The following PPIP5K2 variants were observed in gnomAD, a reference collection of about 807,000 sequenced individuals.
The protein encoded by PPIP5K2 is diphosphoinositol pentakisphosphate kinase 2.
Under a neutral mutation model 154.6 loss-of-function variants are expected in PPIP5K2, and 105 were observed. The ratio of observed to expected loss-of-function variants is 0.68; its 90% CI spans 0.58 to 0.80. The LOEUF (loss-of-function observed/expected upper bound fraction) is 0.80. PPIP5K2 is among the 30% of genes least tolerant of loss of function. The pLI is 0.00. For synonymous variants in PPIP5K2, 480 were observed against 490.3 expected (o/e 0.98, Z 0.28); for missense variants, 992 against 1,504.6 (o/e 0.66, Z 5.64).
At chr5:103,139,593 A>G (rs1325132263) in intron 5 of PPIP5K2, among the ~76,000 whole-genome samples, 2 of 152,200 alleles carry the variant, frequency 1.3e-5, no homozygotes, top group Non-Finnish European at 1.5e-5. Flanking sequence ...GACTGAAATA[A>G]ATACCTAACT....
intron 23 of PPIP5K2, among the ~76,000 whole-genome samples, chr5:103,179,293 T>C (rs1458373680): frequency 6.6e-6 from 1 of 152,088 alleles, no homozygotes; most frequent in African/African-American, 2.4e-5. Context: ...ATGAGGCTCA[T>C]CAATGTAGTT....
At chr5:103,151,198 T>C in intron 8 of PPIP5K2, 55 bp from the exon 9 acceptor site, 1 of 1,452,860 alleles carries the variant, frequency 6.9e-7, no homozygotes, top group Non-Finnish European at 9.3e-7. Context: ...ACTAGAAAAC[T>C]GTGAATCTTA....
At position 103,207,644 on chromosome 5, in the gene PPIP5K2, T is replaced by C. The variant is rs1803592313; in HGVS notation, c.*6010T>C. On this transcript the variant is annotated 3_prime_UTR_variant, in exon 31 of 31. Coordinates refer to ENST00000358359, the MANE Select transcript of PPIP5K2 (RefSeq NM_001276277.3). ...GTGAACAATATCCAATTAGTGTATT[T>C]TTTCCTCTACTGCACAGTTTTGGTT... 6.6e-6 allele frequency: 1 copy of C among 152,140 alleles called. No homozygotes were observed. Among genetic ancestry groups the C allele is most frequent in the African/African-American group, 2.4e-5 (1 of 41,446 alleles). 9.4% of individuals were successfully genotyped at this position (152,140 alleles called of 1,614,324 possible). A position where few individuals can be genotyped will look rare whatever the true frequency, so the allele number is the denominator to read the frequency against.
intron 15 of PPIP5K2, 46 bp downstream of exon 15, chr5:103,158,359 A>G: frequency 6.3e-7 from 1 of 1,596,348 alleles, no homozygotes; most frequent in Non-Finnish European, 8.5e-7. Context: ...CATAAATTGT[A>G]TTTTGAAATC....
At chr5:103,143,801 G>T (rs1793261915) in intron 5 of PPIP5K2, among the ~76,000 whole-genome samples, 1 of 88,492 alleles carries the variant, frequency 1.1e-5, no homozygotes, top group African/African-American at 3.1e-5. Context: ...TGATAAAAGC[G>T]CTATATGACA....
intron 24 of PPIP5K2, among the ~76,000 whole-genome samples, chr5:103,180,399 A>C (rs1554222340): frequency 6.6e-6 from 1 of 152,192 alleles, no homozygotes; most frequent in Non-Finnish European, 1.5e-5. Flanking sequence ...TATAGTTTTC[A>C]TAAAAAAAGG....
rs1803414035 is a variant in PPIP5K2, at chr5:103,204,823, A to T, written c.*3189A>T. ...TTTAGTATTGTGTACTATATAATCT[A>T]TGTGAATTATAGCTCCTTAACTAAA... On this transcript the variant is annotated 3_prime_UTR_variant, in exon 31 of 31. Coordinates refer to ENST00000358359, the MANE Select transcript of PPIP5K2 (RefSeq NM_001276277.3). 1 of 140,618 alleles carries T rather than the reference A, an allele frequency of 7.1e-6. No homozygotes were observed. The highest frequency in any genetic ancestry group is 1.6e-5 in the Non-Finnish European group (1 of 61,516). 8.7% of individuals were successfully genotyped at this position (140,618 alleles called of 1,614,324 possible).
chr5:103,166,455 A>C (rs1562453446), intron 17 of PPIP5K2, among the ~76,000 whole-genome samples: 1 of 151,920 alleles, frequency 6.6e-6, no homozygotes, highest in Non-Finnish European at 1.5e-5. Context: ...ATCTTAAAAA[A>C]ATATTTAAGG....
chr5:103,181,594 TAC>T (rs1799563792), intron 24 of PPIP5K2, among the ~76,000 whole-genome samples: 3 of 151,546 alleles, frequency 2.0e-5, no homozygotes, highest in African/African-American at 7.3e-5. Flanking sequence ...AATAAATAAA[TAC>T]ACACACATAT....
At chr5:103,162,350 C>CTTTTTTTTTTTTTT (rs200973581) in intron 17 of PPIP5K2, among the ~76,000 whole-genome samples, 5 of 138,540 alleles carry the variant, frequency 3.6e-5, no homozygotes, top group Non-Finnish European at 3.1e-5. Flanking sequence ...GATGTGTTTT[C>CTTTTTTTTTTTTTT]TTTTTTTTTT....
Position 103,205,011 on chromosome 5 carries a change from C to T in PPIP5K2, c.*3377C>T, listed in dbSNP as rs1323223385. 1 of 152,076 alleles carries T rather than the reference C, an allele frequency of 6.6e-6. No homozygotes were observed. Among genetic ancestry groups the T allele is most frequent in the Non-Finnish European group, 1.5e-5 (1 of 68,056 alleles). The allele number at this position is 152,076 out of a possible 1,614,324, so 9.4% of individuals were successfully genotyped here. A position where few individuals can be genotyped will look rare whatever the true frequency, so the allele number is the denominator to read the frequency against. On this transcript the variant is annotated 3_prime_UTR_variant, in exon 31 of 31. Transcript: ENST00000358359. The stretch of plus-strand genomic sequence containing the variant: ...CTAATGCTATCCCTCCCCCAGCCCC[C>T]CACCCACTGACAGGCCCAGTGTGTG...
rs1025396639 is a variant in PPIP5K2 at position 103,199,928 on chromosome 5, T to C, written c.3620-1594T>C. Among the ~76,000 whole-genome samples the C allele has an allele frequency of 2.0e-5, 3 of 152,206 alleles. 1 individual carries two copies. Among genetic ancestry groups the C allele is most frequent in the Admixed American group, 2.0e-4 (3 of 15,276 alleles). ...CTGTTAATCTGACTCATCTCCAAAGTGATCTGTATCAATTTATGCATTCTC... is the reference window on the plus strand; with the variant it reads ...CTGTTAATCTGACTCATCTCCAAAGCGATCTGTATCAATTTATGCATTCTC... On this transcript the variant is annotated intron_variant, in intron 30 of 30. Transcript: ENST00000358359.
intron 26 of PPIP5K2, among the ~76,000 whole-genome samples, chr5:103,185,298 C>T (rs1800184582): frequency 1.3e-5 from 2 of 152,084 alleles, no homozygotes; most frequent in Admixed American, 1.3e-4. Flanking sequence ...CCTTTCTAAA[C>T]TCATTTGGTT....
intron 21 of PPIP5K2, 136 bp downstream of exon 21, chr5:103,174,108 C>CT (rs1178931255): frequency 8.2e-6 from 5 of 610,784 alleles, no homozygotes; most frequent in Non-Finnish European, 1.4e-5. Context: ...CAAGGGACTA[C>CT]TATATACCAA....
At chr5:103,173,079 A>C in intron 19 of PPIP5K2, 76 bp from the exon 20 acceptor site, 1 of 1,206,752 alleles carries the variant, frequency 8.3e-7, no homozygotes, top group Non-Finnish European at 1.1e-6. Flanking sequence ...CTCTCACTAG[A>C]CTAATTTAGG....
Position 103,202,117 on chromosome 5 carries a change from C to A in PPIP5K2, c.*483C>A, listed in dbSNP as rs1167605757. On this transcript the variant is annotated 3_prime_UTR_variant, in exon 31 of 31. Transcript: ENST00000358359. Reference sequence around the variant, plus strand: ...ACCGTTTAGATTAGAATATCTTTCCCAATTGTTACAGTGACATATATGCTG... The same window carrying A: ...ACCGTTTAGATTAGAATATCTTTCCAAATTGTTACAGTGACATATATGCTG... 6.5e-6 allele frequency: 1 copy of A among 152,894 alleles called. No individual in the cohort carries two copies. Among genetic ancestry groups the A allele is most frequent in the Non-Finnish European group, 1.5e-5 (1 of 68,288 alleles). The allele number at this position is 152,894 out of a possible 1,614,324, so 9.5% of individuals were successfully genotyped here. A position where few individuals can be genotyped will look rare whatever the true frequency, so the allele number is the denominator to read the frequency against.
chr5:103,122,085 T>C (rs902145670), intron 1 of PPIP5K2, among the ~76,000 whole-genome samples: 1 of 152,192 alleles, frequency 6.6e-6, no homozygotes, highest in South Asian at 2.1e-4. Context: ...AGCAAGTGTA[T>C]GTGTGTGTAT....
At chr5:103,141,572 G>A (rs528056074) in intron 5 of PPIP5K2, among the ~76,000 whole-genome samples, 43 of 152,262 alleles carry the variant, frequency 2.8e-4, no homozygotes, top group Admixed American at 2.4e-3. Flanking sequence ...TGATGGGTGC[G>A]TTTACAATCC....
intron 19 of PPIP5K2, 88 bp from the exon 20 acceptor site, chr5:103,173,067 G>A (rs2149701936): frequency 1.9e-6 from 2 of 1,066,320 alleles, no homozygotes; most frequent in Non-Finnish European, 1.3e-6. Context: ...TAAAATATTT[G>A]TCTCTCACTA....
Sources: gnomAD v4.1 joint callset for allele counts (sites outside exome capture counted in the v4.1 genomes callset) on GRCh38, gnomAD v4.1.1 for gene constraint, MANE v1.5 for transcripts, NCBI Gene and HGNC (gene_info 2026-07-23, HGNC 2026-07-21) for gene names.